Variants in ATG9B observed in about 807,000 individuals in gnomAD.
The protein encoded by ATG9B is autophagy related 9B.
In ATG9B, 92 loss-of-function variants were observed where a neutral mutation model predicts 92.9. That is an observed-to-expected ratio of 0.99 (90% confidence interval 0.84 to 1.18). The LOEUF (loss-of-function observed/expected upper bound fraction) is 1.18, where lower values mean the gene tolerates loss of function less well. Among genes scored for constraint, ATG9B ranks in the 50% most tolerant of loss-of-function variants. The pLI, the probability that ATG9B is intolerant of heterozygous loss-of-function variation, is 0.00. For missense variants in ATG9B, 1,344 were observed against 1,235.0 expected (o/e 1.09, Z -1.32); for synonymous variants, 599 against 551.4 (o/e 1.09, Z -1.21).
chr7:151,013,077 C>T, downstream of ATG9B: 1 of 811,482 alleles, frequency 1.2e-6, no homozygotes, highest in Non-Finnish European at 1.9e-6. Flanking sequence ...TCTGTGAAAG[C>T]ATTCTACACT....
In ATG9B at chr7:151,016,207, G is replaced by A. The variant is rs188063500; in HGVS notation, c.2549C>T (p.Pro850Leu). 9 of 1,504,914 alleles carry A rather than the reference G, an allele frequency of 6.0e-6. No individual in the cohort carries two copies. In the Admixed American group the frequency reaches 6.7e-5, roughly 11 times the overall value. 93.2% of individuals were successfully genotyped at this position (1,504,914 alleles called of 1,614,324 possible). Reference protein sequence around the residue: ...QLHQQQQQQEPWGEAAASILS... With the variant: ...QLHQQQQQQELWGEAAASILS... ...GATGGAGGCTGCAGCCTCACCCCAC[G>A]GCTCCTGCTGCTGCTGCTGCTGGTG... Residue 850 changes from proline (P) to leucine (L), a missense_variant, in exon 12 of 14, where the codon CCG becomes CTG. Pro to Leu is a moderately conservative substitution (Grantham distance 98, BLOSUM62 -3). Transcript: ENST00000639579.
chr7:151,016,269 C>T, intron 11 of ATG9B, 34 bp from the exon 12 acceptor site: 1 of 1,478,102 alleles, frequency 6.8e-7, no homozygotes, highest in Non-Finnish European at 9.0e-7. Flanking sequence ...AGGGCTGCAC[C>T]CCAAGGAGGG....
chr7:151,023,736 C>T lies in ATG9B; in HGVS notation c.551-6G>A. The T allele has an allele frequency of 1.2e-6, 2 of 1,614,040 alleles. No homozygotes were observed. The highest frequency in any genetic ancestry group is 1.7e-6 in the Non-Finnish European group (2 of 1,180,032). ...CTGGATGTGATGCCAGGAGCCTGGG[C>T]ACAGAGGGGAGAGTGTCAGCCCCTG... On this transcript the variant is annotated splice_polypyrimidine_tract_variant and splice_region_variant and intron_variant, in intron 1 of 13. Transcript: ENST00000639579.
At chr7:151,013,093 A>G (rs1795342048), downstream of ATG9B, 1 of 908,382 alleles carries the variant, frequency 1.1e-6, no homozygotes, top group Non-Finnish European at 1.7e-6. Flanking sequence ...ACACTCTCTT[A>G]GAGATGAAAC....
rs1795601726 is a variant in ATG9B, at chr7:151,018,437, G to T, written c.1729C>A (p.Pro577Thr). The T allele has an allele frequency of 6.5e-7, 1 of 1,527,034 alleles. No individual in the cohort carries two copies. The highest frequency in any genetic ancestry group is 1.3e-5 in the South Asian group (1 of 77,756). The allele number at this position is 1,527,034 out of a possible 1,614,324, so 94.6% of individuals were successfully genotyped here. Reference protein sequence around the residue: ...VTATVARSFIPEEQCQGRAPQ... With the variant: ...VTATVARSFITEEQCQGRAPQ... ...GCACGACCCTGGCACTGCTCTTCCG[G>T]AATGAAAGACCTGAAAGGCGGGATC... is the stretch of plus-strand genomic sequence containing the variant. Residue 577 changes from proline (P) to threonine (T), a missense_variant, in exon 7 of 14, where the codon CCG becomes ACG. Physicochemically the swap from Pro to Thr is conservative, Grantham distance 38 (BLOSUM62 -1). Coordinates refer to ENST00000639579, the MANE Select transcript of ATG9B (RefSeq NM_001317056.2). This position sits in a 1 kb window ranked among gnomAD's most constrained non-coding sequence, Gnocchi z 4.7.
chr7:151,016,344 C>T, intron 11 of ATG9B, 87 bp downstream of exon 11: 1 of 1,509,426 alleles, frequency 6.6e-7, no homozygotes, highest in South Asian at 1.3e-5. Context: ...TCTGCTAGAC[C>T]CTTCCGTAGA....
chr7:151,018,567 C>A lies in ATG9B; in HGVS notation c.1718+53G>T. ...GGATTCGGGGGGAACCTCACATGGC[C>A]CCAGATCAGAGAAACCAACACACAC... On this transcript the variant is annotated intron_variant, in intron 6 of 13. Coordinates refer to ENST00000639579, the MANE Select transcript of ATG9B (RefSeq NM_001317056.2). This position sits in a 1 kb window ranked among gnomAD's most constrained non-coding sequence, Gnocchi z 4.7. The A allele has an allele frequency of 6.4e-7, 1 of 1,564,864 alleles. No homozygotes were observed. Among genetic ancestry groups the A allele is most frequent in the Non-Finnish European group, 8.6e-7 (1 of 1,160,822 alleles).
In ATG9B at chr7:151,016,736, G is replaced by A. The variant is rs549624954; in HGVS notation, c.2375C>T (p.Ala792Val). The A allele has an allele frequency of 2.1e-5, 34 of 1,612,130 alleles. No homozygotes were observed. The Admixed American group carries it at 4.7e-4, about 22-fold the overall frequency. ...LSPTAPCPAA[A>V]TASLLASISR... Reference sequence around the variant, plus strand: ...AATGGAGGCAAGGAGGCTGGCTGTGGCCGCAGCTGGACAGGGGGCTGTCGG... The same window carrying A: ...AATGGAGGCAAGGAGGCTGGCTGTGACCGCAGCTGGACAGGGGGCTGTCGG... Residue 792 changes from alanine (A) to valine (V), a missense_variant, in exon 10 of 14, where the codon GCC becomes GTC. Coordinates refer to ENST00000639579, the MANE Select transcript of ATG9B (RefSeq NM_001317056.2).
chr7:151,017,820 A>C (rs780605166), intron 8 of ATG9B, 51 bp downstream of exon 8: 3 of 1,507,786 alleles, frequency 2.0e-6, no homozygotes, highest in South Asian at 2.6e-5. Context: ...CCCGAGAGGC[A>C]AGCGAACTCC....
chr7:151,023,894 T>C lies in ATG9B; in HGVS notation c.530A>G (p.His177Arg). The change falls in exon 1 of 14, where the codon CAT becomes CGT. Residue 177 changes from histidine (H) to arginine (R), a missense_variant. His to Arg is a conservative substitution (Grantham distance 29, BLOSUM62 0). Transcript: ENST00000639579. ...IHGEEQQPLL[H>R]VPEGLRGSWH... ...CATACCTCGGAGCCCTTCAGGGACATGAAGCAGGGGTTGCTGCTCCTCCCC... is the reference window on the plus strand; with the variant it reads ...CATACCTCGGAGCCCTTCAGGGACACGAAGCAGGGGTTGCTGCTCCTCCCC... 6.2e-7 allele frequency: 1 copy of C among 1,609,784 alleles called. No homozygotes were observed.
chr7:151,023,191 A>G lies in ATG9B; in HGVS notation c.675T>C (p.Ile225=). Residue 225 remains isoleucine, a synonymous_variant, in exon 4 of 14, where the codon ATT becomes ATC. Transcript: ENST00000639579. Reference sequence around the variant, plus strand: ...GAAGGAGGAAGGTTGTGAAGGTGACAATGAAAATAAATTGTCTGCCGGGAG... The same window carrying G: ...GAAGGAGGAAGGTTGTGAAGGTGACGATGAAAATAAATTGTCTGCCGGGAG... ...DVFQLGQFIF[I]VTFTTFLLRC... 1 of 1,614,170 alleles carries G rather than the reference A, an allele frequency of 6.2e-7. No individual in the cohort carries two copies. Among genetic ancestry groups the G allele is most frequent in the Non-Finnish European group, 8.5e-7 (1 of 1,180,028 alleles).
In ATG9B at chr7:151,018,468, G is replaced by A. The variant is rs369976021; in HGVS notation, c.1719-21C>T. The stretch of plus-strand genomic sequence containing the variant: ...AAGACCTGAAAGGCGGGATCCGTGG[G>A]GGGAAGGGGCCTGCGATTAGGAGGA... On this transcript the variant is annotated intron_variant, in intron 6 of 13. Transcript: ENST00000639579. This position sits in a 1 kb window ranked among gnomAD's most constrained non-coding sequence, Gnocchi z 4.7. 2.1e-4 allele frequency: 325 copies of A among 1,520,342 alleles called. No individual in the cohort carries two copies. The highest frequency in any genetic ancestry group is 2.8e-4 in the Non-Finnish European group (320 of 1,135,350). 94.2% of individuals were successfully genotyped at this position (1,520,342 alleles called of 1,614,324 possible). A position where few individuals can be genotyped will look rare whatever the true frequency, so the allele number is the denominator to read the frequency against.
rs779157901 is a variant in ATG9B, at chr7:151,017,055, C to T, written c.2270G>A (p.Ser757Asn). ...ARGPSTPGVL[S>N]NCTSPLPEAF... ...ACTCACCAGGGGCGAGGTGCAGTTG[C>T]TGAGCACCCCCGGGGTGGAGGGGCC... is the stretch of plus-strand genomic sequence containing the variant. The change falls in exon 9 of 14, where the codon AGC becomes AAC. Residue 757 changes from serine (S) to asparagine (N), a missense_variant. By Grantham distance (46) the Ser-to-Asn change is conservative. Transcript: ENST00000639579. The T allele has an allele frequency of 8.6e-5, 137 of 1,597,378 alleles. 1 individual carries two copies. In the East Asian group the frequency reaches 3.1e-3, roughly 36 times the overall value.
Position 151,021,287 on chromosome 7 carries a change from A to T in ATG9B, c.864T>A (p.Ala288=). ...SPLLVLLLVL[A]AGFWLVQLLR... is the part of the protein sequence containing the mutation. The stretch of plus-strand genomic sequence containing the variant: ...GCAGTTGGACCAGCCAGAAGCCGGC[A>T]GCCAGGACCAGGAGGAGGACCAGCA... Residue 288 remains alanine, a synonymous_variant, in exon 5 of 14, where the codon GCT becomes GCA. Coordinates refer to ENST00000639579, the MANE Select transcript of ATG9B (RefSeq NM_001317056.2). The T allele has an allele frequency of 6.2e-7, 1 of 1,613,490 alleles. No homozygotes were observed. The highest frequency in any genetic ancestry group is 8.5e-7 in the Non-Finnish European group (1 of 1,179,754).
At chr7:151,017,003 AAGGCAGAAGGGG>A in intron 9 of ATG9B, 21 bp downstream of exon 9, 1 of 1,556,668 alleles carries the variant, frequency 6.4e-7, no homozygotes, top group Non-Finnish European at 8.7e-7. Flanking sequence ...TGTGGGGGTG[AAGGCAGAAGGGG>A]AGGCCAGGCT....
At chr7:151,012,636 G>C (rs1795331331), downstream of ATG9B, 1 of 785,962 alleles carries the variant, frequency 1.3e-6, no homozygotes, top group African/African-American at 1.7e-5. Context: ...CAAAGGCAAG[G>C]GCTGGGCCCT....
rs1450407648 is a variant in ATG9B at position 151,018,738 on chromosome 7, AGAAAACGAGCTG to A, written c.1588_1599del (p.Gln530_Phe533del). 2.5e-6 allele frequency: 4 copies of A among 1,576,342 alleles called. No homozygotes were observed. The highest frequency in any genetic ancestry group is 3.4e-6 in the Non-Finnish European group (4 of 1,166,218). ...AGCGCGGCGAAGAGTGCACCCGCGA[AGAAAACGAGCTG>A]GCGGGCCAGCAGCGTGCGCAGGGGC... On this transcript the variant is annotated inframe_deletion, in exon 6 of 14. Coordinates refer to ENST00000639579, the MANE Select transcript of ATG9B (RefSeq NM_001317056.2). This position sits in a 1 kb window ranked among gnomAD's most constrained non-coding sequence, Gnocchi z 4.7.
At chr7:151,017,400 C>T in intron 8 of ATG9B, 128 bp from the exon 9 acceptor site, 1 of 919,088 alleles carries the variant, frequency 1.1e-6, no homozygotes, top group Admixed American at 2.6e-5. Context: ...TCACCATCAC[C>T]CAAAAATACA....
In ATG9B at chr7:151,022,074, C is replaced by T. The variant is rs1168158911; in HGVS notation, c.822-745G>A. 2.7e-5 allele frequency among the ~76,000 whole-genome samples: 4 copies of T among 148,346 alleles called. 1 individual carries two copies. The highest frequency in any genetic ancestry group is 1.0e-4 in the African/African-American group (4 of 39,432). On this transcript the variant is annotated intron_variant, in intron 4 of 13. Transcript: ENST00000639579. ...GCAGCAGTAGAAACATAGCTCCTAT[C>T]TCCCTGCCAAATAACGGCCCAGGTC...
Sources: allele counts gnomAD v4.1 joint callset (sites outside exome capture counted in the v4.1 genomes callset), GRCh38; gene constraint gnomAD v4.1.1; non-coding constraint Gnocchi (gnomAD v3.1); transcripts MANE v1.5; gene names NCBI Gene and HGNC (gene_info 2026-07-23, HGNC 2026-07-21).